PCDHGA3: variants seen among roughly 807,000 people sequenced by gnomAD.
PCDHGA3 encodes protocadherin gamma-A3.
A neutral mutation model predicts 58.5 loss-of-function variants in PCDHGA3; 40 were observed. The observed-to-expected ratio is 0.68, with a 90% confidence interval of 0.53 to 0.89. PCDHGA3 has a LOEUF of 0.89. Ranked by LOEUF, PCDHGA3 falls within the 40% of genes least tolerant of loss-of-function variation. The probability of loss-of-function intolerance (pLI) is 0.00; values close to 1 mark genes in which losing one functional copy is unlikely to be tolerated. For synonymous variants in PCDHGA3, 530 were observed against 525.7 expected, an observed-to-expected ratio of 1.01 and a Z score of -0.11; for missense variants, 1,223 against 1,195.9, an observed-to-expected ratio of 1.02 and a Z score of -0.33.
At chr5:141,383,542 T>G (rs1779235852) in intron 1 of PCDHGA3, 1 of 1,612,562 alleles carries the variant, frequency 6.2e-7, no homozygotes, top group Non-Finnish European at 8.5e-7. Flanking sequence ...CCTCACAGCC[T>G]CTGATGGCGG....
chr5:141,350,620 C>T (rs1354304006), intron 1 of PCDHGA3: 1 of 1,613,990 alleles, frequency 6.2e-7, no homozygotes, highest in Non-Finnish European at 8.5e-7. Flanking sequence ...TTGTTGTAAT[C>T]CAAGATATTA....
In PCDHGA3 at chr5:141,346,414, C is replaced by G; in HGVS notation, c.2381C>G (p.Thr794Ser). 1 of 1,614,240 alleles carries G rather than the reference C, an allele frequency of 6.2e-7. No individual in the cohort carries two copies. ...SCEKSEPLLI[T>S]QDLLEMKGDS... ...GAGAAAAGCGAGCCTCTTCTGATAA[C>G]TCAGGATTTACTTGAAATGAAAGGA... is the stretch of plus-strand genomic sequence containing the variant. The change falls in exon 1 of 4, where the codon ACT becomes AGT. Residue 794 changes from threonine to serine, a missense_variant. By Grantham distance (58) the Thr-to-Ser change is moderately conservative (BLOSUM62 1). Around this residue, in one of 3 missense-constraint regions of PCDHGA3, gnomAD observed 325 missense variants for 327.5 expected, o/e 0.99. Transcript: ENST00000253812.
intron 1 of PCDHGA3, among the ~76,000 whole-genome samples, chr5:141,348,824 T>C (rs1485520256): frequency 1.3e-5 from 2 of 152,200 alleles, no homozygotes; most frequent in East Asian, 3.8e-4. Flanking sequence ...CTGTTTCGAA[T>C]AGAGTATGAG....
In PCDHGA3 at chr5:141,454,516, C is replaced by T. The variant is rs375583922; in HGVS notation, c.2425-40291C>T. On this transcript the variant is annotated intron_variant, in intron 1 of 3. Coordinates refer to ENST00000253812, the MANE Select transcript of PCDHGA3 (RefSeq NM_018916.4). Reference sequence around the variant, plus strand: ...CCACCTCCTGGATTCAGGCAGTTCTCCTGCCTCAGCCTCCCAAGTAGCTGA... The same window carrying T: ...CCACCTCCTGGATTCAGGCAGTTCTTCTGCCTCAGCCTCCCAAGTAGCTGA... Among the ~76,000 whole-genome samples the T allele has an allele frequency of 1.2e-4, 18 of 152,288 alleles. No individual in the cohort carries two copies. In the East Asian group the frequency reaches 3.1e-3, roughly 26 times the overall value.
chr5:141,413,371 C>G (rs752898022), intron 1 of PCDHGA3: 1 of 1,613,966 alleles, frequency 6.2e-7, no homozygotes, highest in Non-Finnish European at 8.5e-7. Context: ...GCTGGCGGAG[C>G]GCGGAGTCCG....
intron 1 of PCDHGA3, chr5:141,351,857 C>T (rs763835964): frequency 1.2e-6 from 2 of 1,613,232 alleles, no homozygotes; most frequent in Non-Finnish European, 1.7e-6. Flanking sequence ...GGCCAGGGAC[C>T]AGGGCTCCCC....
chr5:141,384,178 G>A, intron 1 of PCDHGA3: 2 of 1,613,788 alleles, frequency 1.2e-6, no homozygotes, highest in Non-Finnish European at 1.7e-6. Flanking sequence ...AGCCACAGAT[G>A]GTGGAACTCC....
At position 141,494,852 on chromosome 5, in the gene PCDHGA3, C is replaced by T. The variant is rs755464933; in HGVS notation, c.2470C>T (p.Pro824Ser). ...TDWRFSQAQR[P>S]GTSGSQNGDD... is the part of the protein sequence containing the mutation. Reference sequence around the variant, plus strand: ...CTGGCGTTTCTCTCAGGCCCAGAGACCCGGCACCAGCGGGTAGGTGACTGA... The same window carrying T: ...CTGGCGTTTCTCTCAGGCCCAGAGATCCGGCACCAGCGGGTAGGTGACTGA... The change falls in exon 2 of 4, where the codon CCC (proline) becomes TCC (serine). Residue 824 changes from proline (P) to serine (S), a missense_variant. This residue lies in a region of PCDHGA3 where 325 missense variants were observed against 327.5 expected (regional missense o/e 0.99). Coordinates refer to ENST00000253812, the MANE Select transcript of PCDHGA3 (RefSeq NM_018916.4). 6 of 1,614,042 alleles carry T rather than the reference C, an allele frequency of 3.7e-6. No homozygotes were observed. Among genetic ancestry groups the T allele is most frequent in the Admixed American group, 1.7e-5 (1 of 60,000 alleles).
chr5:141,423,067 G>A (rs757110751), intron 1 of PCDHGA3: 10 of 1,614,024 alleles, frequency 6.2e-6, no homozygotes, highest in South Asian at 5.5e-5. Context: ...TAAGGCCAGC[G>A]AGCCGGGACT....
In PCDHGA3 at chr5:141,403,493, A is replaced by G. The variant is rs762825635; in HGVS notation, c.2424+57036A>G. The G allele has an allele frequency of 8.7e-6, 14 of 1,613,886 alleles. No homozygotes were observed. The highest frequency in any genetic ancestry group is 5.0e-5 in the Admixed American group (3 of 59,998). Reference sequence around the variant, plus strand: ...CAGCCCCAATCACCACTTCTCCCTGAACGTGCAGACTGGAGACAATGGAGC... The same window carrying G: ...CAGCCCCAATCACCACTTCTCCCTGGACGTGCAGACTGGAGACAATGGAGC... On this transcript the variant is annotated intron_variant, in intron 1 of 3. Coordinates refer to ENST00000253812, the MANE Select transcript of PCDHGA3 (RefSeq NM_018916.4).
chr5:141,366,657 C>T, intron 1 of PCDHGA3: 1 of 1,614,248 alleles, frequency 6.2e-7, no homozygotes. Flanking sequence ...CCCAACTACG[C>T]AGACACGCTC....
chr5:141,385,276 A>G (rs1315773619), intron 1 of PCDHGA3: 1 of 1,613,564 alleles, frequency 6.2e-7, no homozygotes, highest in Admixed American at 1.7e-5. Flanking sequence ...TTCTTTGCTA[A>G]CATCCGTAGA....
At chr5:141,366,718 G>A (rs772444465) in intron 1 of PCDHGA3, 26 of 1,613,638 alleles carry the variant, frequency 1.6e-5, no homozygotes, top group Admixed American at 3.3e-5. Context: ...TGTCTGATAA[G>A]GTAGATGCAA....
At chr5:141,390,882 G>A (rs892294372) in intron 1 of PCDHGA3, 2 of 152,824 alleles carry the variant, frequency 1.3e-5, no homozygotes, top group Non-Finnish European at 2.9e-5. Flanking sequence ...GTGTGTGTGT[G>A]TGTGTGAGAG....
chr5:141,344,299 G>A lies in PCDHGA3; in HGVS notation c.266G>A (p.Arg89Lys), dbSNP rs776796046. Reference sequence around the variant, plus strand: ...AGCGGCAGCTTGGTCACCGCGGAGAGGATAGACCGGGAGGAGCTCTGCGCT... The same window carrying A: ...AGCGGCAGCTTGGTCACCGCGGAGAAGATAGACCGGGAGGAGCTCTGCGCT... Reference protein sequence around the residue: ...PQSGSLVTAERIDREELCAQI... With the variant: ...PQSGSLVTAEKIDREELCAQI... Residue 89 changes from arginine to lysine, a missense_variant, in exon 1 of 4, where the codon AGG becomes AAG. Coordinates refer to ENST00000253812, the MANE Select transcript of PCDHGA3 (RefSeq NM_018916.4). 14 of 1,614,080 alleles carry A rather than the reference G, an allele frequency of 8.7e-6. No homozygotes were observed. Among genetic ancestry groups the A allele is most frequent in the Admixed American group, 1.7e-5 (1 of 60,032 alleles).
chr5:141,406,406 C>T (rs976555739), intron 1 of PCDHGA3, among the ~76,000 whole-genome samples: 18 of 152,174 alleles, frequency 1.2e-4, no homozygotes, highest in Non-Finnish European at 1.8e-4. Context: ...CTTAGAGAAA[C>T]AGCTGAAAGC....
At chr5:141,383,574 C>CG in intron 1 of PCDHGA3, 1 of 1,613,366 alleles carries the variant, frequency 6.2e-7, no homozygotes, top group African/African-American at 1.3e-5. Flanking sequence ...GATCCAGCAC[C>CG]GCCCACATCC....
chr5:141,345,777 G>A lies in PCDHGA3; in HGVS notation c.1744G>A (p.Ala582Thr). 1.2e-6 allele frequency: 2 copies of A among 1,614,122 alleles called. No individual in the cohort carries two copies. Among genetic ancestry groups the A allele is most frequent in the East Asian group, 2.2e-5 (1 of 44,862 alleles). The change falls in exon 1 of 4, where the codon GCA becomes ACA. Residue 582 changes from alanine (A) to threonine (T), a missense_variant. Physicochemically the swap from Ala to Thr is moderately conservative, Grantham distance 58 (BLOSUM62 0). This residue lies in a region of PCDHGA3 where 107 missense variants were observed against 159.8 expected (regional missense o/e 0.67). Transcript: ENST00000253812. ...TGGCGTGGAGCTGGCGCCTCGCTCCGCAGAGCCCGGCTACCTGGTGACCAA... is the reference window on the plus strand; with the variant it reads ...TGGCGTGGAGCTGGCGCCTCGCTCCACAGAGCCCGGCTACCTGGTGACCAA... Reference protein sequence around the residue: ...STGVELAPRSAEPGYLVTKVV... With the variant: ...STGVELAPRSTEPGYLVTKVV...
chr5:141,376,195 C>G, intron 1 of PCDHGA3: 1 of 1,614,172 alleles, frequency 6.2e-7, no homozygotes, highest in South Asian at 1.1e-5. Context: ...CCTGCGTCTT[C>G]CTGGCCTTCG....
Sources: allele counts gnomAD v4.1 joint callset (sites outside exome capture counted in the v4.1 genomes callset), GRCh38; gene constraint gnomAD v4.1.1; regional missense constraint gnomAD v4.1.1; transcripts MANE v1.5; gene names NCBI Gene and HGNC (gene_info 2026-07-23, HGNC 2026-07-21).